ATP11A: variants seen among roughly 807,000 people sequenced by gnomAD.
ATP11A encodes phospholipid-transporting ATPase IH.
Under a neutral mutation model 154.4 loss-of-function variants are expected in ATP11A, and 81 were observed. That is an observed-to-expected ratio of 0.52 (90% CI 0.44 to 0.63). ATP11A has a LOEUF of 0.63. ATP11A is among the 30% of genes least tolerant of loss of function. The probability of loss-of-function intolerance (pLI) is 0.00; values close to 1 mark genes in which losing one functional copy is unlikely to be tolerated. For synonymous variants in ATP11A, 623 were observed against 585.9 expected (o/e 1.06, Z -0.91); for missense variants, 1,316 against 1,474.3 (o/e 0.89, Z 1.76).
intron 20 of ATP11A, 50 bp from the exon 21 acceptor site, chr13:112,857,768 G>A (rs1261103195): frequency 6.8e-7 from 1 of 1,469,068 alleles, no homozygotes; most frequent in Admixed American, 1.7e-5. Context: ...TGAATAACCT[G>A]TTCAGAAGTG....
At chr13:112,700,310 C>T (rs1224740098) in intron 1 of ATP11A, among the ~76,000 whole-genome samples, 2 of 151,854 alleles carry the variant, frequency 1.3e-5, no homozygotes, top group African/African-American at 4.9e-5. Flanking sequence ...CATGAGGCAC[C>T]CGTGGTCCGT....
chr13:112,877,043 A>G (rs9549595), intron 28 of ATP11A, among the ~76,000 whole-genome samples: 51,735 of 152,176 alleles, frequency 0.34, 9,395 homozygotes, highest in Middle Eastern at 0.46. Context: ...CACAGTTTGT[A>G]AAATCAGAGC....
intron 5 of ATP11A, 25 bp downstream of exon 5, chr13:112,810,751 G>A (rs1566515854): frequency 1.9e-6 from 3 of 1,595,808 alleles, no homozygotes; most frequent in South Asian, 1.1e-5. Flanking sequence ...ACACATTTAC[G>A]CTGGTGAAGT....
rs181851429 is a variant in ATP11A, at chr13:112,720,419, G to A, written c.39+29964G>A. ...AGATGAGGAAACCCACGCCCGACGC[G>A]CAGGGTCAGGGTTACCTGTGGGGTG... On this transcript the variant is annotated intron_variant, in intron 1 of 29. Coordinates refer to ENST00000375645, the MANE Select transcript of ATP11A (RefSeq NM_015205.3). Among the ~76,000 whole-genome samples the A allele has an allele frequency of 1.1e-4, 17 of 152,352 alleles. No individual in the cohort carries two copies. In the East Asian group the frequency reaches 2.5e-3, roughly 22 times the overall value.
At chr13:112,764,182 T>C (rs380036) in intron 1 of ATP11A, among the ~76,000 whole-genome samples, 36,202 of 152,128 alleles carry the variant, frequency 0.24, 6,232 homozygotes, top group African/African-American at 0.49. Flanking sequence ...GATGGAACCC[T>C]GACCCTAGGC....
intron 18 of ATP11A, chr13:112,851,833 T>C (rs1566571965): frequency 6.6e-6 from 1 of 152,268 alleles, no homozygotes; most frequent in Non-Finnish European, 1.5e-5. Context: ...GTAATTACTC[T>C]TTAGAATGGA....
At position 112,874,354 on chromosome 13, in the gene ATP11A, C is replaced by T. The variant is rs547631751; in HGVS notation, c.3161+678C>T. Among the ~76,000 whole-genome samples the T allele has an allele frequency of 2.6e-4, 39 of 152,336 alleles. No homozygotes were observed. The South Asian group carries it at 6.6e-3, about 26-fold the overall frequency. On this transcript the variant is annotated intron_variant, in intron 27 of 29. Coordinates refer to ENST00000375645, the MANE Select transcript of ATP11A (RefSeq NM_015205.3). ...CGTGAGGATCCTGGCTCGAGGCTGTCGTGGTCAGTCGAGGCAGAGCACAGC... is the reference window on the plus strand; with the variant it reads ...CGTGAGGATCCTGGCTCGAGGCTGTTGTGGTCAGTCGAGGCAGAGCACAGC...
rs1004326527 is a variant in ATP11A at position 112,753,417 on chromosome 13, G to T, written c.40-31718G>T. Reference sequence around the variant, plus strand: ...GCGGTTTGCTCTGTCAGTGCCGTAGGAGGATGCCTGTTCTCCACCTACCTC... The same window carrying T: ...GCGGTTTGCTCTGTCAGTGCCGTAGTAGGATGCCTGTTCTCCACCTACCTC... On this transcript the variant is annotated intron_variant, in intron 1 of 29. Transcript: ENST00000375645. The surrounding 1 kb of genome is among the most constrained non-coding windows in gnomAD (Gnocchi z 4.1). 6.6e-6 allele frequency among the ~76,000 whole-genome samples: 1 copy of T among 152,226 alleles called. No individual in the cohort carries two copies. The highest frequency in any genetic ancestry group is 1.5e-5 in the Non-Finnish European group (1 of 68,046).
rs376010747 is a variant in ATP11A, at chr13:112,787,872, G to A, written c.162+2615G>A. 3.4e-5 allele frequency among the ~76,000 whole-genome samples: 5 copies of A among 147,868 alleles called. No homozygotes were observed. In the South Asian group the frequency reaches 1.1e-3, roughly 32 times the overall value. On this transcript the variant is annotated intron_variant, in intron 2 of 29. Coordinates refer to ENST00000375645, the MANE Select transcript of ATP11A (RefSeq NM_015205.3). ...GTCCTGATGTATAGACCCTTGTGGAGACCTACTTAATTCACACCAGTGTCC... is the reference window on the plus strand; with the variant it reads ...GTCCTGATGTATAGACCCTTGTGGAAACCTACTTAATTCACACCAGTGTCC...
At chr13:112,790,712 G>A (rs2077828397) in intron 2 of ATP11A, among the ~76,000 whole-genome samples, 1 of 152,174 alleles carries the variant, frequency 6.6e-6, no homozygotes, top group Non-Finnish European at 1.5e-5. Flanking sequence ...GTAGACTCCT[G>A]TGGAGACTTA....
chr13:112,826,481 G>A (rs2078937096), intron 11 of ATP11A, among the ~76,000 whole-genome samples: 1 of 152,198 alleles, frequency 6.6e-6, no homozygotes, highest in Non-Finnish European at 1.5e-5. Flanking sequence ...CAGCCCCACA[G>A]CTCAGCCCCT....
At chr13:112,803,864 TCCTTGCTTCCCTTCCTTCC>T in intron 2 of ATP11A, among the ~76,000 whole-genome samples, 1 of 73,896 alleles carries the variant, frequency 1.4e-5, no homozygotes, top group Non-Finnish European at 2.7e-5. Context: ...CTCCTTTTCC[TCCTTGCTTCCCTTCCTTCC>T]CTCATTCCCC....
intron 16 of ATP11A, among the ~76,000 whole-genome samples, chr13:112,840,701 T>C (rs1004442636): frequency 6.6e-6 from 1 of 151,934 alleles, no homozygotes; most frequent in South Asian, 2.1e-4. Context: ...GAGCGTCAAG[T>C]GTAGCCATGT....
chr13:112,879,711 G>A (rs1428688735), intron 29 of ATP11A, among the ~76,000 whole-genome samples: 10 of 152,214 alleles, frequency 6.6e-5, no homozygotes, highest in South Asian at 2.1e-4. Context: ...CGGCGCACAC[G>A]GGAACACGCC....
At chr13:112,721,962 A>G (rs1435394482) in intron 1 of ATP11A, among the ~76,000 whole-genome samples, 1 of 152,156 alleles carries the variant, frequency 6.6e-6, no homozygotes, top group Admixed American at 6.5e-5. Context: ...ACTGCCCACC[A>G]TGGGAGCTGC....
chr13:112,858,543 C>A, intron 22 of ATP11A: 1 of 395,360 alleles, frequency 2.5e-6, no homozygotes, highest in Non-Finnish European at 4.6e-6. Context: ...ATAAACAGTT[C>A]CTCAGGTTTA....
intron 1 of ATP11A, among the ~76,000 whole-genome samples, chr13:112,706,451 A>C (rs1267505194): frequency 6.6e-6 from 1 of 152,214 alleles, no homozygotes; most frequent in African/African-American, 2.4e-5. Context: ...GCTTTTTCCT[A>C]AGTGTGTTTA....
intron 2 of ATP11A, among the ~76,000 whole-genome samples, chr13:112,798,110 A>C (rs2078046916): frequency 1.3e-5 from 2 of 152,166 alleles, no homozygotes; most frequent in Admixed American, 6.5e-5. Context: ...GAGCCCTTTT[A>C]TACAGGCACC....
At chr13:112,815,940 C>A in intron 5 of ATP11A, 143 bp from the exon 6 acceptor site, 1 of 1,171,596 alleles carries the variant, frequency 8.5e-7, no homozygotes, top group Non-Finnish European at 1.2e-6. Context: ...GAATGTCTGG[C>A]AAGAGTCTTT....
Sources: allele counts gnomAD v4.1 joint callset (sites outside exome capture counted in the v4.1 genomes callset), GRCh38; gene constraint gnomAD v4.1.1; non-coding constraint Gnocchi (gnomAD v3.1); transcripts MANE v1.5; gene names NCBI Gene and HGNC (gene_info 2026-07-23, HGNC 2026-07-21).